The following EIF3B variants were observed in gnomAD, a reference collection of about 807,000 sequenced individuals.
EIF3B encodes eukaryotic translation initiation factor 3 subunit 9.
Under a neutral mutation model 104.6 loss-of-function variants are expected in EIF3B, and 10 were observed. The ratio of observed to expected loss-of-function variants is 0.10; its 90% CI spans 0.06 to 0.16. The LOEUF is 0.16. EIF3B is among the 10% of genes least tolerant of loss of function. The pLI, the probability that EIF3B is intolerant of heterozygous loss-of-function variation, is 1.00. For missense variants in EIF3B, 1,014 were observed against 1,087.9 expected, an observed-to-expected ratio of 0.93 and a Z score of 0.96; for synonymous variants, 542 against 417.2, an observed-to-expected ratio of 1.30 and a Z score of -3.65.
In EIF3B at chr7:2,360,740, C is replaced by T; in HGVS notation, c.530C>T (p.Pro177Leu). 2 of 1,594,514 alleles carry T rather than the reference C, an allele frequency of 1.3e-6. No individual in the cohort carries two copies. Among genetic ancestry groups the T allele is most frequent in the South Asian group, 1.1e-5 (1 of 90,084 alleles). The change falls in exon 2 of 19, where the codon CCC becomes CTC. Residue 177 changes from proline (P) to leucine (L), a missense_variant. Physicochemically the swap from Pro to Leu is moderately conservative, Grantham distance 98 (BLOSUM62 -3). This residue lies in a region of EIF3B where 488 missense variants were observed against 404.3 expected (regional missense o/e 1.21). Coordinates refer to ENST00000360876, the MANE Select transcript of EIF3B (RefSeq NM_001037283.2). ...CTGGGAGATGTACTCAAAGATCGGC[C>T]CCAGGAAGCAGATGGAATCGATTCG... ...ELLGDVLKDR[P>L]QEADGIDSVI...
intron 15 of EIF3B, chr7:2,378,481 T>A (rs6461350): frequency 0.34 from 91,222 of 270,578 alleles, 14,404 homozygotes; most frequent in African/African-American, 0.67. Flanking sequence ...CTGGGTGTCA[T>A]GGAGGAAGGA....
At chr7:2,372,625 A>G (rs760705312) in intron 11 of EIF3B, 48 bp from the exon 12 acceptor site, 83 of 1,594,718 alleles carry the variant, frequency 5.2e-5, no homozygotes, top group African/African-American at 1.1e-4. Flanking sequence ...CAAGAGCACT[A>G]TGTTCTGAAT....
At chr7:2,357,216 T>C (rs1779494057) in intron 1 of EIF3B, among the ~76,000 whole-genome samples, 1 of 152,202 alleles carries the variant, frequency 6.6e-6, no homozygotes, top group African/African-American at 2.4e-5. Flanking sequence ...AGTCAGAGGA[T>C]GCTAATATGA....
intron 8 of EIF3B, 106 bp from the exon 9 acceptor site, chr7:2,366,893 A>T: frequency 1.6e-6 from 2 of 1,232,024 alleles, no homozygotes; most frequent in Non-Finnish European, 2.4e-6. Flanking sequence ...ACTGCCCCCT[A>T]GGCAAACTCA....
chr7:2,360,640 A>G (rs1583152551), intron 1 of EIF3B, 70 bp from the exon 2 acceptor site: 5 of 1,246,050 alleles, frequency 4.0e-6, no homozygotes, highest in Non-Finnish European at 5.6e-6. Context: ...AGACTTGTTT[A>G]GTGTGCTCAG....
In EIF3B at chr7:2,378,606, A is replaced by G. The variant is rs906650337; in HGVS notation, c.2155-83A>G. On this transcript the variant is annotated intron_variant, in intron 15 of 18. Transcript: ENST00000360876. ...TGTTCTGTGAATGGCTTTGGGTGTCATGTCATGTTGGCAACTCTGAAGATT... is the reference window on the plus strand; with the variant it reads ...TGTTCTGTGAATGGCTTTGGGTGTCGTGTCATGTTGGCAACTCTGAAGATT... 7.2e-6 allele frequency: 9 copies of G among 1,249,140 alleles called. No homozygotes were observed. In the East Asian group the frequency reaches 1.7e-4, roughly 23 times the overall value. The allele number at this position is 1,249,140 out of a possible 1,614,324, so 77.4% of individuals were successfully genotyped here. A position where few individuals can be genotyped will look rare whatever the true frequency, so the allele number is the denominator to read the frequency against.
chr7:2,363,258 G>T (rs1779835487), intron 4 of EIF3B, 131 bp downstream of exon 4: 3 of 900,034 alleles, frequency 3.3e-6, no homozygotes, highest in Non-Finnish European at 5.4e-6. Context: ...TTCAAGACCA[G>T]CCTGGGCAAC....
chr7:2,355,077 TGAG>T lies in EIF3B; in HGVS notation c.161_163del (p.Glu54del). On this transcript the variant is annotated inframe_deletion, in exon 1 of 19. Transcript: ENST00000360876. ...AGGCCGCGGGGACCGAGGCCTCCAG[TGAG>T]GAGGTGGGGATCGCGGAGGCCGGGC... The T allele has an allele frequency of 7.8e-7, 1 of 1,286,292 alleles. No homozygotes were observed. The highest frequency in any genetic ancestry group is 9.8e-7 in the Non-Finnish European group (1 of 1,017,970). 79.7% of individuals were successfully genotyped at this position (1,286,292 alleles called of 1,614,324 possible).
chr7:2,374,404 G>A (rs972636644), intron 12 of EIF3B, 124 bp from the exon 13 acceptor site: 2 of 780,282 alleles, frequency 2.6e-6, no homozygotes, highest in Admixed American at 2.3e-5. Flanking sequence ...GTTTTCCGAG[G>A]TGGTCCAGCA....
At chr7:2,362,937 C>G (rs1779818099) in intron 3 of EIF3B, 133 bp from the exon 4 acceptor site, 10 of 1,425,698 alleles carry the variant, frequency 7.0e-6, no homozygotes, top group Non-Finnish European at 8.8e-6. Flanking sequence ...GCCTACAGCA[C>G]CCCTCCCTGT....
intron 4 of EIF3B, 143 bp from the exon 5 acceptor site, chr7:2,363,489 A>G (rs959556354): frequency 5.3e-6 from 4 of 748,372 alleles, no homozygotes; most frequent in Non-Finnish European, 8.4e-6. Context: ...AAGAAATGCT[A>G]GACGGTGTCT....
At chr7:2,375,579 G>T (rs1780585733) in intron 14 of EIF3B, 52 bp downstream of exon 14, 1 of 1,610,672 alleles carries the variant, frequency 6.2e-7, no homozygotes, top group Non-Finnish European at 8.5e-7. Flanking sequence ...AGGGAGTGCT[G>T]GCTAGCTGCT....
chr7:2,355,097 A>C lies in EIF3B; in HGVS notation c.176A>C (p.Glu59Ala), dbSNP rs918165084. Residue 59 changes from glutamate to alanine, a missense_variant, in exon 1 of 19, where the codon GAG becomes GCG. Glu to Ala is a moderately radical substitution (Grantham distance 107). Transcript: ENST00000360876. ...TCCAGTGAGGAGGTGGGGATCGCGGAGGCCGGGCCGGAGTCCGAGGTGAGG... is the reference window on the plus strand; with the variant it reads ...TCCAGTGAGGAGGTGGGGATCGCGGCGGCCGGGCCGGAGTCCGAGGTGAGG... ...EASSEEVGIAEAGPESEVRTE... is the reference protein window; with the variant it reads ...EASSEEVGIAAAGPESEVRTE... The C allele has an allele frequency of 1.5e-6, 2 of 1,337,662 alleles. No homozygotes were observed. Among genetic ancestry groups the C allele is most frequent in the Non-Finnish European group, 9.5e-7 (1 of 1,049,052 alleles). 82.9% of individuals were successfully genotyped at this position (1,337,662 alleles called of 1,614,324 possible).
rs553946799 is a variant in EIF3B, at chr7:2,362,796, C to T, written c.812+32C>T. 15 of 1,613,166 alleles carry T rather than the reference C, an allele frequency of 9.3e-6. No homozygotes were observed. The South Asian group carries it at 9.9e-5, about 11-fold the overall frequency. The stretch of plus-strand genomic sequence containing the variant: ...TCAGACTTGGCCACAAGGAAGTGGA[C>T]GTTGACGTGCAAGTGACTGGCTGTG... On this transcript the variant is annotated intron_variant, in intron 3 of 18. Transcript: ENST00000360876.
intron 6 of EIF3B, 28 bp from the exon 7 acceptor site, chr7:2,366,289 A>G (rs2115305554): frequency 3.2e-6 from 5 of 1,565,168 alleles, no homozygotes; most frequent in South Asian, 2.4e-5. Context: ...AGAGGAGGAT[A>G]GTGTACAGTG....
chr7:2,371,968 C>A, intron 11 of EIF3B, 119 bp downstream of exon 11: 1 of 780,516 alleles, frequency 1.3e-6, no homozygotes, highest in African/African-American at 1.7e-5. Flanking sequence ...TGAGCCCTCA[C>A]CATGAATAGT....
At chr7:2,371,662 G>A (rs148081826) in intron 10 of EIF3B, 115 bp from the exon 11 acceptor site, 1 of 816,988 alleles carries the variant, frequency 1.2e-6, no homozygotes, top group Non-Finnish European at 2.1e-6. Context: ...ACATGCTCGT[G>A]TGTGAACCAG....
upstream of EIF3B, chr7:2,354,762 A>T (rs1779286599): frequency 3.4e-6 from 2 of 593,592 alleles, no homozygotes; most frequent in Non-Finnish European, 4.4e-6. Context: ...GTCGTTCGTG[A>T]GGCCCCAGGG....
Position 2,380,386 on chromosome 7 carries a change from C to T in EIF3B, c.*197C>T, listed in dbSNP as rs781680314. 22 of 518,736 alleles carry T rather than the reference C, an allele frequency of 4.2e-5. No homozygotes were observed. The highest frequency in any genetic ancestry group is 2.7e-4 in the South Asian group (19 of 71,564). 32.1% of individuals were successfully genotyped at this position (518,736 alleles called of 1,614,324 possible). On this transcript the variant is annotated 3_prime_UTR_variant, in exon 19 of 19. Transcript: ENST00000360876. ...GGACTGTGACTGCGCCTGGATTCTG[C>T]CATTGCGACACATTTTTGTGCCTTT... is the stretch of plus-strand genomic sequence containing the variant.
Sources: gnomAD v4.1 joint callset for allele counts (sites outside exome capture counted in the v4.1 genomes callset) on GRCh38, gnomAD v4.1.1 for gene constraint, gnomAD v4.1.1 regional missense constraint, MANE v1.5 for transcripts, NCBI Gene and HGNC (gene_info 2026-07-23, HGNC 2026-07-21) for gene names.